The following SLC36A1 variants were observed in gnomAD, a reference collection of about 807,000 sequenced individuals.
The protein encoded by SLC36A1 is solute carrier family 36 member 1.
In SLC36A1, 30 loss-of-function variants were observed where a neutral mutation model predicts 47.5. The ratio of observed to expected loss-of-function variants is 0.63; its 90% confidence interval spans 0.47 to 0.86. The LOEUF (loss-of-function observed/expected upper bound fraction) is 0.86. Ranked by LOEUF, SLC36A1 falls within the 40% of genes least tolerant of loss-of-function variation. SLC36A1 has a pLI of 0.00. For synonymous variants in SLC36A1, 255 were observed against 249.7 expected (o/e 1.02, Z -0.20); for missense variants, 517 against 606.0 (o/e 0.85, Z 1.54).
At chr5:151,518,963 C>A in the SLC36A1 span, among the ~76,000 whole-genome samples, 2 of 152,112 alleles carry the variant, frequency 1.3e-5, no homozygotes, top group African/African-American at 4.8e-5. Context: ...AGATACCTAG[C>A]AAAGAGGAAT....
chr5:151,458,449 C>T (rs954318741), intron 1 of SLC36A1, among the ~76,000 whole-genome samples: 2 of 151,540 alleles, frequency 1.3e-5, no homozygotes, highest in African/African-American at 4.9e-5. Context: ...TGCGGAATTC[C>T]AGGAAGCACT....
At chr5:151,472,291 A>C (rs1388682990) in intron 7 of SLC36A1, among the ~76,000 whole-genome samples, 1 of 152,260 alleles carries the variant, frequency 6.6e-6, no homozygotes, top group Non-Finnish European at 1.5e-5. Context: ...AGGCTAAGCC[A>C]GTCTAGCCTT....
At chr5:151,427,781 G>A in the SLC36A1 span, among the ~76,000 whole-genome samples, 1 of 152,126 alleles carries the variant, frequency 6.6e-6, no homozygotes, top group Non-Finnish European at 1.5e-5. Context: ...AACATAAGGC[G>A]AGCTCCCTGC....
chr5:151,448,371 C>G (rs551933516), intron 1 of SLC36A1, among the ~76,000 whole-genome samples: 1 of 152,348 alleles, frequency 6.6e-6, no homozygotes, highest in East Asian at 1.9e-4. Flanking sequence ...AAAAGGCACT[C>G]CTTTCTGTCC....
the SLC36A1 span, chr5:151,553,262 C>T: frequency 4.5e-5 from 72 of 1,614,230 alleles, no homozygotes; most frequent in Middle Eastern, 1.6e-4. Flanking sequence ...TCTCCATGAC[C>T]GTAAAGCTGT....
At chr5:151,543,225 A>G in the SLC36A1 span, 1 of 1,614,012 alleles carries the variant, frequency 6.2e-7, no homozygotes, top group African/African-American at 1.3e-5. Context: ...GGTTAATTTC[A>G]ATGACATCTT....
chr5:151,551,580 T>C, the SLC36A1 span: 5 of 1,614,226 alleles, frequency 3.1e-6, no homozygotes, highest in Non-Finnish European at 4.2e-6. Flanking sequence ...GTCTTCTCAA[T>C]GTCAAAGTCC....
At chr5:151,367,647 G>A in the SLC36A1 span, among the ~76,000 whole-genome samples, 1 of 152,084 alleles carries the variant, frequency 6.6e-6, no homozygotes, top group Non-Finnish European at 1.5e-5. Flanking sequence ...GTGGTCCTGA[G>A]GTGACGTACA....
the SLC36A1 span, among the ~76,000 whole-genome samples, chr5:151,547,652 A>G: frequency 6.6e-6 from 1 of 152,236 alleles, no homozygotes; most frequent in Non-Finnish European, 1.5e-5. Flanking sequence ...CAGTCAAAGA[A>G]CATGGTTTTA....
chr5:151,458,952 T>G lies in SLC36A1; in HGVS notation c.143+17T>G. 6.3e-7 allele frequency: 1 copy of G among 1,596,774 alleles called. No individual in the cohort carries two copies. The highest frequency in any genetic ancestry group is 1.1e-5 in the South Asian group (1 of 90,314). On this transcript the variant is annotated intron_variant, in intron 2 of 10. Transcript: ENST00000243389. ...TAGCACAACGTGAGTAGCTGTTACC[T>G]TCTCCTCTCCTGGGTGGGATTCGTG... is the stretch of plus-strand genomic sequence containing the variant.
At chr5:151,351,669 T>G in the SLC36A1 span, among the ~76,000 whole-genome samples, 24,146 of 152,116 alleles carry the variant, frequency 0.16, 2,210 homozygotes, top group East Asian at 0.38. Flanking sequence ...ATCATCATCA[T>G]CATACTGTAA....
At chr5:151,553,582 C>A in the SLC36A1 span, among the ~76,000 whole-genome samples, 1 of 152,220 alleles carries the variant, frequency 6.6e-6, no homozygotes, top group Admixed American at 6.5e-5. Context: ...CGGTGGTGAA[C>A]AAAACGTATA....
At chr5:151,370,989 A>T in the SLC36A1 span, among the ~76,000 whole-genome samples, 1 of 152,104 alleles carries the variant, frequency 6.6e-6, no homozygotes, top group Admixed American at 6.5e-5. Context: ...CTCTGTCTCA[A>T]AATAATAATA....
At chr5:151,422,254 G>C in the SLC36A1 span, 2 of 152,260 alleles carry the variant, frequency 1.3e-5, no homozygotes, top group African/African-American at 4.8e-5. Context: ...AGAAGGAAGA[G>C]AGTTGAAGAG....
At chr5:151,405,555 T>A in the SLC36A1 span, among the ~76,000 whole-genome samples, 1 of 152,080 alleles carries the variant, frequency 6.6e-6, no homozygotes, top group East Asian at 1.9e-4. Context: ...TCTATATCCG[T>A]CATCTCAGAC....
the SLC36A1 span, among the ~76,000 whole-genome samples, chr5:151,396,545 G>A: frequency 9.7e-4 from 147 of 152,048 alleles, 1 homozygote; most frequent in African/African-American, 3.4e-3. Context: ...ACTTACAGTA[G>A]CCAAATATTA....
chr5:151,554,750 G>T, the SLC36A1 span: 2 of 1,122,366 alleles, frequency 1.8e-6, no homozygotes, highest in Admixed American at 2.0e-5. Context: ...CCTGGAAATA[G>T]TAGTCACTTT....
Position 151,467,281 on chromosome 5 carries a change from C to T in SLC36A1, c.502C>T (p.Gln168Ter). The T allele has an allele frequency of 6.5e-7, 1 of 1,532,280 alleles. No homozygotes were observed. The highest frequency in any genetic ancestry group is 8.9e-7 in the Non-Finnish European group (1 of 1,129,330). 94.9% of individuals were successfully genotyped at this position (1,532,280 alleles called of 1,614,324 possible). The part of the protein sequence containing the change: ...YFVFLADNFK[Q>*]VIEAANGTTN... ...TGTGTTTCTGGCTGACAACTTTAAA[C>T]AGGTAGGCACCTGGTTAAAAAAGAA... The change falls in exon 6 of 11, where the codon CAG (glutamine) becomes TAG (stop). Residue 168 changes from glutamine to a stop codon, truncating the protein, a stop_gained and splice_region_variant. Coordinates refer to ENST00000243389, the MANE Select transcript of SLC36A1 (RefSeq NM_078483.4). LOFTEE classifies it high-confidence loss of function.
the SLC36A1 span, chr5:151,542,310 G>T: frequency 1.9e-6 from 3 of 1,609,406 alleles, no homozygotes; most frequent in Non-Finnish European, 2.5e-6. Context: ...TGACCTGCCT[G>T]TTCTGCTCAG....
Sources: allele counts gnomAD v4.1 joint callset (sites outside exome capture counted in the v4.1 genomes callset), GRCh38; gene constraint gnomAD v4.1.1; transcripts MANE v1.5; gene names NCBI Gene and HGNC (gene_info 2026-07-23, HGNC 2026-07-21).